Variants in DIPK1A observed in about 807,000 individuals in gnomAD.
DIPK1A encodes divergent protein kinase domain 1A.
A neutral mutation model predicts 40.8 loss-of-function variants in DIPK1A; 27 were observed. That is an observed-to-expected ratio of 0.66 (90% CI 0.49 to 0.91). The LOEUF (loss-of-function observed/expected upper bound fraction) is 0.91, where lower values mean the gene tolerates loss of function less well. Among genes scored for constraint, DIPK1A ranks in the 40% least tolerant of loss-of-function variants. The probability of loss-of-function intolerance (pLI) is 0.00; values close to 1 mark genes in which losing one functional copy is unlikely to be tolerated. For synonymous variants in DIPK1A, 166 were observed against 171.3 expected, an observed-to-expected ratio of 0.97 and a Z score of 0.24; for missense variants, 412 against 505.7, an observed-to-expected ratio of 0.81 and a Z score of 1.78.
intron 2 of DIPK1A, among the ~76,000 whole-genome samples, chr1:92,862,413 T>C (rs1647321966): frequency 6.6e-6 from 1 of 152,204 alleles, no homozygotes; most frequent in Admixed American, 6.6e-5. Context: ...CTAAATTTCT[T>C]GTTCTTCCCA....
intron 1 of DIPK1A, among the ~76,000 whole-genome samples, chr1:92,925,270 G>C (rs964587985): frequency 2.6e-5 from 4 of 152,014 alleles, no homozygotes; most frequent in African/African-American, 9.7e-5. Flanking sequence ...GTCTTTACTA[G>C]ATTTTAGTAT....
At chr1:92,879,513 T>A (rs1648279226) in intron 1 of DIPK1A, among the ~76,000 whole-genome samples, 1 of 152,140 alleles carries the variant, frequency 6.6e-6, no homozygotes, top group Admixed American at 6.5e-5. Context: ...TGAGAGGAAG[T>A]TAGATTGATG....
chr1:92,865,396 C>A (rs1647488951), intron 2 of DIPK1A, among the ~76,000 whole-genome samples: 1 of 151,568 alleles, frequency 6.6e-6, no homozygotes, highest in Non-Finnish European at 1.5e-5. Context: ...CCTCCTCCAC[C>A]ATATTATATA....
At chr1:92,844,429 G>C (rs1687506940) in intron 4 of DIPK1A, among the ~76,000 whole-genome samples, 1 of 152,082 alleles carries the variant, frequency 6.6e-6, no homozygotes, top group Non-Finnish European at 1.5e-5. Flanking sequence ...CTGTTTGTTA[G>C]GAAATGGCCA....
chr1:92,844,192 T>C lies in DIPK1A; in HGVS notation c.478A>G (p.Lys160Glu). The C allele has an allele frequency of 1.3e-6, 2 of 1,542,368 alleles. No individual in the cohort carries two copies. The highest frequency in any genetic ancestry group is 1.7e-4 in the Middle Eastern group (1 of 5,942). ...GAGAGGTTTCCTTGGTCACCCAATT[T>C]TGCCTGTCAAGAATTTGGCTAGTTA... ...KEMVYSLFKA[K>E]LGDQGNLSEL... is the part of the protein sequence containing the mutation. The change falls in exon 5 of 5, where the codon AAA becomes GAA. Residue 160 changes from lysine to glutamate, a missense_variant. Transcript: ENST00000370310.
chr1:92,903,008 A>G (rs1014720823), intron 1 of DIPK1A, among the ~76,000 whole-genome samples: 1 of 152,138 alleles, frequency 6.6e-6, no homozygotes, highest in Admixed American at 6.5e-5. Flanking sequence ...GTCAAAGGGT[A>G]TGCATTGCAG....
At chr1:92,893,091 G>A (rs887862429) in intron 1 of DIPK1A, among the ~76,000 whole-genome samples, 2 of 152,070 alleles carry the variant, frequency 1.3e-5, no homozygotes, top group South Asian at 2.1e-4. Context: ...GGATATTATC[G>A]AGGAGAACTT....
intron 1 of DIPK1A, among the ~76,000 whole-genome samples, chr1:92,937,609 T>G (rs1650994278): frequency 2.0e-5 from 3 of 152,170 alleles, no homozygotes; most frequent in Admixed American, 2.0e-4. Context: ...GTTGCTTTTT[T>G]GGACAATGCT....
chr1:92,857,917 A>G (rs1688039596), intron 2 of DIPK1A, among the ~76,000 whole-genome samples: 1 of 152,128 alleles, frequency 6.6e-6, no homozygotes, highest in African/African-American at 2.4e-5. Flanking sequence ...TTTAGCACCG[A>G]CTGTGTCAGA....
At chr1:92,920,515 C>T (rs1279262172) in intron 1 of DIPK1A, among the ~76,000 whole-genome samples, 4 of 152,160 alleles carry the variant, frequency 2.6e-5, no homozygotes, top group Non-Finnish European at 5.9e-5. Flanking sequence ...GGGACTAATA[C>T]ACCAGGACAT....
At chr1:92,857,667 A>G (rs780951114) in intron 2 of DIPK1A, among the ~76,000 whole-genome samples, 14 of 152,098 alleles carry the variant, frequency 9.2e-5, no homozygotes, top group Admixed American at 5.9e-4. Context: ...TGAGATTTGC[A>G]TGTATATATC....
chr1:92,843,646 CTG>C lies in DIPK1A; in HGVS notation c.1022_1023del (p.Thr341ArgfsTer3), dbSNP rs1201428982. The C allele has an allele frequency of 2.6e-6, 4 of 1,551,654 alleles. No homozygotes were observed. The highest frequency in any genetic ancestry group is 1.4e-5 in the African/African-American group (1 of 73,058). On this transcript the variant is annotated frameshift_variant, in exon 5 of 5. Transcript: ENST00000370310. LOFTEE classifies it high-confidence loss of function. ...CTCTGATCACAGCTAGTTCTACAAT[CTG>C]TGCCATAGACACAGTCCAAATCAGA... The part of the protein sequence containing the change: ...CESDLDCVYG[T>X]DCRTSCDQST...
chr1:92,852,070 C>T (rs1056742748), intron 2 of DIPK1A, among the ~76,000 whole-genome samples: 5 of 152,086 alleles, frequency 3.3e-5, no homozygotes, highest in African/African-American at 4.8e-5. Flanking sequence ...AGTTGCTTCC[C>T]GCACATGGCT....
At chr1:92,847,684 G>A (rs1452581664) in intron 3 of DIPK1A, among the ~76,000 whole-genome samples, 5 of 152,280 alleles carry the variant, frequency 3.3e-5, no homozygotes, top group Non-Finnish European at 7.3e-5. Context: ...TACTATTTAA[G>A]TATCTAGTTA....
chr1:92,953,054 C>G (rs550695691), intron 1 of DIPK1A, among the ~76,000 whole-genome samples: 47 of 152,220 alleles, frequency 3.1e-4, no homozygotes, highest in African/African-American at 1.1e-3. Flanking sequence ...ACTCTGCTCA[C>G]AATAACACAT....
chr1:92,944,207 A>G (rs1651278613), intron 1 of DIPK1A, among the ~76,000 whole-genome samples: 1 of 152,154 alleles, frequency 6.6e-6, no homozygotes, highest in African/African-American at 2.4e-5. Flanking sequence ...TAGAGAAGCT[A>G]GAAAAGACAT....
intron 1 of DIPK1A, among the ~76,000 whole-genome samples, chr1:92,926,739 A>T (rs1650528909): frequency 6.6e-6 from 1 of 152,196 alleles, no homozygotes; most frequent in South Asian, 2.1e-4. Context: ...TTGAGTTTTT[A>T]AAATTATAAA....
chr1:92,960,044 C>T (rs1403431180), intron 1 of DIPK1A, among the ~76,000 whole-genome samples: 1 of 148,888 alleles, frequency 6.7e-6, no homozygotes, highest in Non-Finnish European at 1.5e-5. Context: ...TGTGAGCCAT[C>T]GCGCCTGGCC....
intron 1 of DIPK1A, among the ~76,000 whole-genome samples, chr1:92,947,683 GAATC>G (rs1439070795): frequency 1.3e-5 from 2 of 152,128 alleles, no homozygotes; most frequent in South Asian, 2.1e-4. Flanking sequence ...CCAAGATAGG[GAATC>G]AATCAAAGTA....
Sources: gnomAD v4.1 joint callset for allele counts (sites outside exome capture counted in the v4.1 genomes callset) on GRCh38, gnomAD v4.1.1 for gene constraint, MANE v1.5 for transcripts, NCBI Gene and HGNC (gene_info 2026-07-23, HGNC 2026-07-21) for gene names.